ITGA2: variants seen among roughly 807,000 people sequenced by gnomAD.
The protein encoded by ITGA2 is integrin alpha-2.
ITGA2 carries 101 observed loss-of-function variants against 146.3 expected under a neutral mutation model. The ratio of observed to expected loss-of-function variants is 0.69; its 90% CI spans 0.59 to 0.81. The LOEUF is 0.81. Among genes scored for constraint, ITGA2 ranks in the 40% least tolerant of loss-of-function variants. The pLI is 0.00. For synonymous variants in ITGA2, 477 were observed against 487.1 expected, an observed-to-expected ratio of 0.98 and a Z score of 0.27; for missense variants, 1,281 against 1,402.7, an observed-to-expected ratio of 0.91 and a Z score of 1.39.
At chr5:53,018,418 A>G (rs1742504280) in intron 1 of ITGA2, among the ~76,000 whole-genome samples, 1 of 152,010 alleles carries the variant, frequency 6.6e-6, no homozygotes, top group Non-Finnish European at 1.5e-5. Flanking sequence ...CACCTGTTCA[A>G]CTGACCCCAG....
At chr5:53,015,599 A>G (rs1742365727) in intron 1 of ITGA2, among the ~76,000 whole-genome samples, 1 of 152,088 alleles carries the variant, frequency 6.6e-6, no homozygotes, top group Non-Finnish European at 1.5e-5. Context: ...TTAGATGTCT[A>G]TTAGGTCCAT....
chr5:53,020,265 A>T (rs1027282293), intron 1 of ITGA2, among the ~76,000 whole-genome samples: 1 of 152,234 alleles, frequency 6.6e-6, no homozygotes, highest in Non-Finnish European at 1.5e-5. Flanking sequence ...AAAAACATAG[A>T]ATCATGGAGA....
At chr5:53,077,532 C>T (rs971725345) in intron 23 of ITGA2, among the ~76,000 whole-genome samples, 3 of 151,666 alleles carry the variant, frequency 2.0e-5, no homozygotes, top group Non-Finnish European at 4.4e-5. Context: ...CAAATGCAGA[C>T]CATATTAATT....
rs752099104 is a variant in ITGA2, at chr5:53,048,409, C to T, written c.434C>T (p.Thr145Ile). Residue 145 changes from threonine (T) to isoleucine (I), a missense_variant, in exon 5 of 30, where the codon ACA becomes ATA. Coordinates refer to ENST00000296585, the MANE Select transcript of ITGA2 (RefSeq NM_002203.4). Reference sequence around the variant, plus strand: ...CAGCAATGTGGGAATCAGTATTACACAACGGGTGTGTGTTCTGACATCAGT... The same window carrying T: ...CAGCAATGTGGGAATCAGTATTACATAACGGGTGTGTGTTCTGACATCAGT... ...WAQQCGNQYY[T>I]TGVCSDISPD... 6.2e-7 allele frequency: 1 copy of T among 1,614,038 alleles called. No homozygotes were observed. The highest frequency in any genetic ancestry group is 8.5e-7 in the Non-Finnish European group (1 of 1,180,000).
chr5:53,073,754 G>A (rs757071401), intron 20 of ITGA2, among the ~76,000 whole-genome samples: 1 of 151,792 alleles, frequency 6.6e-6, no homozygotes, highest in Non-Finnish European at 1.5e-5. Flanking sequence ...AAAAAAGGGA[G>A]AGAAGGAAAA....
intron 16 of ITGA2, among the ~76,000 whole-genome samples, 188 bp from the exon 17 acceptor site, chr5:53,069,921 G>A (rs764499449): frequency 1.3e-5 from 2 of 151,790 alleles, no homozygotes; most frequent in Admixed American, 6.6e-5. Context: ...AGTCACCTAC[G>A]TCACATCAGA....
At chr5:53,019,520 G>A (rs974423952) in intron 1 of ITGA2, among the ~76,000 whole-genome samples, 1 of 151,852 alleles carries the variant, frequency 6.6e-6, no homozygotes, top group Non-Finnish European at 1.5e-5. Context: ...GCTTGTGTCT[G>A]AGTCACCCTT....
intron 1 of ITGA2, among the ~76,000 whole-genome samples, chr5:53,014,523 G>C (rs3212409): frequency 6.6e-6 from 1 of 152,050 alleles, no homozygotes; most frequent in African/African-American, 2.4e-5. Flanking sequence ...GAGGAATTTT[G>C]CATCTATGTT....
intron 2 of ITGA2, among the ~76,000 whole-genome samples, chr5:53,032,073 T>C (rs1306771076): frequency 6.6e-6 from 1 of 152,170 alleles, no homozygotes; most frequent in Non-Finnish European, 1.5e-5. Flanking sequence ...GTATTTCCAG[T>C]TGTAGAAATG....
chr5:52,995,651 A>G (rs1210376257), intron 1 of ITGA2, among the ~76,000 whole-genome samples: 1 of 152,204 alleles, frequency 6.6e-6, no homozygotes, highest in Admixed American at 6.5e-5. Context: ...TGAGTTTGAG[A>G]CATCTGGATG....
At chr5:53,065,617 T>C (rs1745110528) in intron 14 of ITGA2, among the ~76,000 whole-genome samples, 1 of 151,916 alleles carries the variant, frequency 6.6e-6, no homozygotes, top group South Asian at 2.1e-4. Flanking sequence ...TTTATGATTT[T>C]TTATTAAAGA....
chr5:53,086,058 C>T (rs1231930032), intron 27 of ITGA2, among the ~76,000 whole-genome samples: 1 of 152,064 alleles, frequency 6.6e-6, no homozygotes, highest in South Asian at 2.1e-4. Context: ...GTGCCCACCA[C>T]CATGCCCGGC....
chr5:53,090,962 G>A lies in ITGA2; in HGVS notation c.*363G>A. The A allele has an allele frequency of 2.0e-6, 1 of 510,822 alleles. No individual in the cohort carries two copies. The allele number at this position is 510,822 out of a possible 1,614,324, so 31.6% of individuals were successfully genotyped here. ...AATATGATACTCTCAGATTTTAAGGGGGAAAACTGTTCTCTTTAAAATATT... is the reference window on the plus strand; with the variant it reads ...AATATGATACTCTCAGATTTTAAGGAGGAAAACTGTTCTCTTTAAAATATT... On this transcript the variant is annotated 3_prime_UTR_variant, in exon 30 of 30. Coordinates refer to ENST00000296585, the MANE Select transcript of ITGA2 (RefSeq NM_002203.4).
Position 53,051,555 on chromosome 5 carries a change from G to T in ITGA2, c.775G>T (p.Ala259Ser). Residue 259 changes from alanine (A) to serine (S), a missense_variant, in exon 7 of 30, where the codon GCA becomes TCA. By Grantham distance (99) the Ala-to-Ser change is moderately conservative (BLOSUM62 1). Transcript: ENST00000296585. ...AAACACATTCGGAGCAATTCAATATGCAAGGTAAGTTTTGGTGCTAATAGG... is the reference window on the plus strand; with the variant it reads ...AAACACATTCGGAGCAATTCAATATTCAAGGTAAGTTTTGGTGCTAATAGG... ...LTNTFGAIQYARKYAYSAASG... is the reference protein window; with the variant it reads ...LTNTFGAIQYSRKYAYSAASG... 6.2e-7 allele frequency: 1 copy of T among 1,613,260 alleles called. No individual in the cohort carries two copies. The highest frequency in any genetic ancestry group is 8.5e-7 in the Non-Finnish European group (1 of 1,179,474).
intron 1 of ITGA2, among the ~76,000 whole-genome samples, chr5:53,000,538 C>T (rs1741508745): frequency 1.3e-5 from 2 of 152,238 alleles, no homozygotes; most frequent in South Asian, 4.1e-4. Flanking sequence ...TCTGCCTACA[C>T]TTCATTCTGG....
chr5:53,040,093 G>T (rs1041062506), intron 2 of ITGA2, among the ~76,000 whole-genome samples: 2 of 152,030 alleles, frequency 1.3e-5, no homozygotes, highest in Non-Finnish European at 2.9e-5. Flanking sequence ...TGTCAAACAG[G>T]AGATCAAACT....
intron 1 of ITGA2, among the ~76,000 whole-genome samples, chr5:53,008,294 A>G (rs1179676450): frequency 6.7e-6 from 1 of 149,576 alleles, no homozygotes; most frequent in African/African-American, 2.5e-5. Context: ...AGAGAGAAAG[A>G]TCTCTGGTGT....
At chr5:53,003,547 T>C (rs1360284526) in intron 1 of ITGA2, among the ~76,000 whole-genome samples, 4 of 152,184 alleles carry the variant, frequency 2.6e-5, no homozygotes, top group East Asian at 1.9e-4. Context: ...TCTGAGTAAG[T>C]TGACTTCTTG....
intron 1 of ITGA2, among the ~76,000 whole-genome samples, chr5:53,022,084 T>A (rs915814183): frequency 2.0e-5 from 3 of 152,242 alleles, no homozygotes; most frequent in African/African-American, 7.2e-5. Context: ...GACACTGATA[T>A]CATAGACATC....
Sources: gnomAD v4.1 joint callset for allele counts (sites outside exome capture counted in the v4.1 genomes callset) on GRCh38, gnomAD v4.1.1 for gene constraint, MANE v1.5 for transcripts, NCBI Gene and HGNC (gene_info 2026-07-23, HGNC 2026-07-21) for gene names.